The following NIN variants were observed in gnomAD, a reference collection of about 807,000 sequenced individuals.
The protein encoded by NIN is ninein, also known as glycogen synthase kinase 3 beta-interacting protein.
A neutral mutation model predicts 257.6 loss-of-function variants in NIN; 137 were observed. The ratio of observed to expected loss-of-function variants is 0.53; its 90% CI spans 0.46 to 0.61. The LOEUF is 0.61. Among genes scored for constraint, NIN ranks in the 20% least tolerant of loss-of-function variants. The pLI is 0.00. For missense variants in NIN, 2,439 were observed against 2,501.2 expected, an observed-to-expected ratio of 0.98 and a Z score of 0.53; for synonymous variants, 918 against 919.8, an observed-to-expected ratio of 1.00 and a Z score of 0.04.
chr14:50,735,018 T>C (rs1166435505), intron 28 of NIN, among the ~76,000 whole-genome samples: 1 of 152,100 alleles, frequency 6.6e-6, no homozygotes, highest in East Asian at 1.9e-4. Context: ...CAGATGTACC[T>C]CTCACAAGGC....
intron 20 of NIN, among the ~76,000 whole-genome samples, chr14:50,753,294 G>C (rs1362994316): frequency 6.6e-6 from 1 of 152,176 alleles, no homozygotes; most frequent in Non-Finnish European, 1.5e-5. Flanking sequence ...CAGCTATTTG[G>C]GAGGCTGAGA....
intron 29 of NIN, chr14:50,727,811 A>G: frequency 3.6e-6 from 5 of 1,378,954 alleles, no homozygotes; most frequent in Non-Finnish European, 4.9e-6. Context: ...TTTTAGGGGG[A>G]GTCTAAATTC....
At chr14:50,814,269 A>G (rs1315846804) in intron 3 of NIN, among the ~76,000 whole-genome samples, 1 of 152,340 alleles carries the variant, frequency 6.6e-6, no homozygotes, top group East Asian at 1.9e-4. Flanking sequence ...ACCACCACGC[A>G]AGAGAACTTC....
chr14:50,821,915 C>T lies in NIN; in HGVS notation c.142G>A (p.Val48Met). 1 of 1,614,188 alleles carries T rather than the reference C, an allele frequency of 6.2e-7. No homozygotes were observed. Among genetic ancestry groups the T allele is most frequent in the Non-Finnish European group, 8.5e-7 (1 of 1,180,022 alleles). The part of the protein sequence containing the change: ...HMLSLEEVAP[V>M]LQQTLLQDNL... ...TCCTGAAGTAATGTCTGCTGCAGCA[C>T]TGGGGCCACCTCCTCCAAGCTCAAC... Residue 48 changes from valine to methionine, a missense_variant, in exon 3 of 31, where the codon GTG becomes ATG. Transcript: ENST00000530997.
intron 3 of NIN, among the ~76,000 whole-genome samples, chr14:50,808,388 G>T (rs146168037): frequency 6.6e-6 from 1 of 152,200 alleles, no homozygotes; most frequent in Non-Finnish European, 1.5e-5. Context: ...ACGGGCATCT[G>T]TGAATTTCTA....
intron 2 of NIN, chr14:50,823,162 T>A: frequency 1.9e-6 from 1 of 535,784 alleles, no homozygotes; most frequent in South Asian, 1.5e-5. Flanking sequence ...TGTGGTTTTT[T>A]TTTTTTCCTT....
At position 50,739,413 on chromosome 14, in the gene NIN, C is replaced by A; in HGVS notation, c.5523G>T (p.Leu1841Phe). The change falls in exon 26 of 31, where the codon TTG becomes TTT. Residue 1841 changes from leucine (L) to phenylalanine (F), a missense_variant. This residue lies in a region of NIN where 2,043 missense variants were observed against 2,050.2 expected (regional missense o/e 1.00). Transcript: ENST00000530997. ...NQQKRLSWDKLDHLMNEEQQL... is the reference protein window; with the variant it reads ...NQQKRLSWDKFDHLMNEEQQL... ...GCTGTTCCTCATTCATCAGATGATC[C>A]AACTTGTCCCAGGACAGCCTTTTCT... 6.2e-7 allele frequency: 1 copy of A among 1,614,232 alleles called. No homozygotes were observed. Among genetic ancestry groups the A allele is most frequent in the South Asian group, 1.1e-5 (1 of 91,084 alleles).
intron 2 of NIN, among the ~76,000 whole-genome samples, chr14:50,829,051 T>C (rs2045585708): frequency 6.6e-6 from 1 of 152,244 alleles, no homozygotes; most frequent in African/African-American, 2.4e-5. Context: ...TCCAACCCTG[T>C]GGAACATTCA....
At chr14:50,804,655 C>A (rs1471713081) in intron 4 of NIN, among the ~76,000 whole-genome samples, 2 of 152,164 alleles carry the variant, frequency 1.3e-5, no homozygotes, top group Non-Finnish European at 2.9e-5. Flanking sequence ...ATAAATATTA[C>A]TTCCTGGCTG....
At position 50,722,576 on chromosome 14, in the gene NIN, C is replaced by T. The variant is rs2040292432; in HGVS notation, c.*887G>A. 1 of 211,366 alleles carries T rather than the reference C, an allele frequency of 4.7e-6. No individual in the cohort carries two copies. Among genetic ancestry groups the T allele is most frequent in the Admixed American group, 5.9e-5 (1 of 17,004 alleles). The allele number at this position is 211,366 out of a possible 1,614,324, so 13.1% of individuals were successfully genotyped here. On this transcript the variant is annotated 3_prime_UTR_variant, in exon 31 of 31. Coordinates refer to ENST00000530997, the MANE Select transcript of NIN (RefSeq NM_020921.4). ...AGTATTGTTCCCTGAGTTCTTGAGG[C>T]AACCTCAAGTAAATTTATGAACTCT...
chr14:50,739,220 G>T, intron 26 of NIN, 88 bp downstream of exon 26: 1 of 1,299,240 alleles, frequency 7.7e-7, no homozygotes, highest in Non-Finnish European at 1.1e-6. Context: ...CCATACCTTA[G>T]AACCATTCCA....
intron 3 of NIN, among the ~76,000 whole-genome samples, chr14:50,809,464 G>GA (rs2044482599): frequency 6.6e-6 from 1 of 152,152 alleles, no homozygotes. Flanking sequence ...GGGACTGAAT[G>GA]AAACGTAAGT....
intron 22 of NIN, among the ~76,000 whole-genome samples, chr14:50,746,715 T>C (rs979075649): frequency 6.6e-6 from 1 of 152,226 alleles, no homozygotes; most frequent in Non-Finnish European, 1.5e-5. Context: ...ATTGTTCCAA[T>C]TGAAAGACTC....
At chr14:50,818,196 G>A (rs750774071) in intron 3 of NIN, among the ~76,000 whole-genome samples, 60 of 151,584 alleles carry the variant, frequency 4.0e-4, no homozygotes, top group Non-Finnish European at 5.5e-4. Context: ...GTTGGTGGGC[G>A]CCTGTAGTCC....
At chr14:50,783,565 C>T (rs968156575) in intron 5 of NIN, among the ~76,000 whole-genome samples, 1 of 151,444 alleles carries the variant, frequency 6.6e-6, no homozygotes, top group Admixed American at 6.6e-5. Context: ...TTCCTTCTAC[C>T]TAGTCTCCAC....
chr14:50,744,189 T>C, intron 23 of NIN, 54 bp downstream of exon 23: 1 of 1,591,972 alleles, frequency 6.3e-7, no homozygotes, highest in Non-Finnish European at 8.6e-7. Flanking sequence ...AGAGAAAGGT[T>C]CATTATGGTG....
chr14:50,830,321 C>G (rs2045645737), intron 2 of NIN, 143 bp downstream of exon 2: 1 of 158,648 alleles, frequency 6.3e-6, no homozygotes, highest in Admixed American at 6.5e-5. Flanking sequence ...GGAGGTGCGG[C>G]CGCAGGACAA....
chr14:50,794,454 G>C (rs757344872), intron 4 of NIN: 45 of 994,960 alleles, frequency 4.5e-5, no homozygotes, highest in Non-Finnish European at 5.3e-5. Context: ...AGAAGACAGT[G>C]TGTCAGCTTG....
intron 29 of NIN, chr14:50,727,623 T>C (rs2040473596): frequency 1.4e-6 from 2 of 1,442,390 alleles, no homozygotes; most frequent in Admixed American, 3.7e-5. Flanking sequence ...GTGTGGTGTG[T>C]GTGCATGGGT....
Sources: allele counts gnomAD v4.1 joint callset (sites outside exome capture counted in the v4.1 genomes callset), GRCh38; gene constraint gnomAD v4.1.1; regional missense constraint gnomAD v4.1.1; transcripts MANE v1.5; gene names NCBI Gene and HGNC (gene_info 2026-07-23, HGNC 2026-07-21).